Variants in MSI2 observed in about 807,000 individuals in gnomAD.
The protein encoded by MSI2 is musashi RNA binding protein 2, also known as RNA-binding protein Musashi homolog 2.
A neutral mutation model predicts 45.6 loss-of-function variants in MSI2; 17 were observed. The ratio of observed to expected loss-of-function variants is 0.37; its 90% CI spans 0.26 to 0.56. The LOEUF is 0.56. Among genes scored for constraint, MSI2 ranks in the 20% least tolerant of loss-of-function variants. The probability of loss-of-function intolerance (pLI) is 0.77; values close to 1 mark genes in which losing one functional copy is unlikely to be tolerated. For missense variants in MSI2, 293 were observed against 444.2 expected (o/e 0.66, Z 3.06); for synonymous variants, 156 against 158.2 (o/e 0.99, Z 0.11).
chr17:57,334,013 G>A (rs543834957), intron 5 of MSI2, among the ~76,000 whole-genome samples: 4 of 152,214 alleles, frequency 2.6e-5, no homozygotes, highest in South Asian at 2.1e-4. Flanking sequence ...TTGGTGATCC[G>A]TTTCACTCCA....
intron 6 of MSI2, among the ~76,000 whole-genome samples, chr17:57,502,054 T>TA (rs1319472093): frequency 6.6e-6 from 1 of 152,118 alleles, no homozygotes; most frequent in Admixed American, 6.6e-5. Flanking sequence ...TCCTGGGCTA[T>TA]AGGCAGGTAC....
intron 6 of MSI2, among the ~76,000 whole-genome samples, chr17:57,502,860 T>C (rs1009479067): frequency 2.6e-5 from 4 of 151,894 alleles, no homozygotes; most frequent in Non-Finnish European, 1.5e-5. Context: ...CCAAGTGGTC[T>C]TGGGAGCAGA....
At chr17:57,481,705 C>T (rs1241441784) in intron 6 of MSI2, among the ~76,000 whole-genome samples, 3 of 152,060 alleles carry the variant, frequency 2.0e-5, no homozygotes. Flanking sequence ...TAACTTTTAC[C>T]CCTTTGCAGA....
At chr17:57,328,408 C>A (rs1913996628) in intron 5 of MSI2, among the ~76,000 whole-genome samples, 1 of 152,218 alleles carries the variant, frequency 6.6e-6, no homozygotes, top group Admixed American at 6.5e-5. Flanking sequence ...TCTTGTCCCC[C>A]ATCTGGTGAA....
chr17:57,617,589 A>T (rs1907841353), intron 9 of MSI2, among the ~76,000 whole-genome samples: 2 of 152,078 alleles, frequency 1.3e-5, no homozygotes, highest in African/African-American at 2.4e-5. Context: ...TTAGGTCTTT[A>T]TGTTTTATAT....
rs2084177896 is a variant in MSI2 at position 57,410,600 on chromosome 17, AAAAG to A, written c.405+9133_405+9136del. On this transcript the variant is annotated intron_variant, in intron 6 of 13. Transcript: ENST00000284073. ...ATAAGGATTTAATTAAATTAAAAAA[AAAAG>A]AAAAGAAAACCCAGCAGAGTGGTTT... 5.3e-5 allele frequency among the ~76,000 whole-genome samples: 8 copies of A among 151,986 alleles called. No homozygotes were observed. In the South Asian group the frequency reaches 1.7e-3, roughly 32 times the overall value.
chr17:57,594,958 A>G (rs547936880), intron 7 of MSI2, among the ~76,000 whole-genome samples: 1 of 152,348 alleles, frequency 6.6e-6, no homozygotes, highest in East Asian at 1.9e-4. Flanking sequence ...GACATGATAA[A>G]GATCACGATT....
intron 5 of MSI2, among the ~76,000 whole-genome samples, chr17:57,322,160 C>A (rs1185867818): frequency 6.6e-6 from 1 of 152,156 alleles, no homozygotes; most frequent in Non-Finnish European, 1.5e-5. Context: ...ATAGCTGTCC[C>A]CACAGTACTG....
chr17:57,600,791 A>G (rs1270115016), intron 8 of MSI2: 1 of 152,230 alleles, frequency 6.6e-6, no homozygotes, highest in Non-Finnish European at 1.5e-5. Flanking sequence ...TAAAGATCCC[A>G]CTAATAGCTG....
chr17:57,480,454 C>G (rs1207586820), intron 6 of MSI2, among the ~76,000 whole-genome samples: 1 of 152,190 alleles, frequency 6.6e-6, no homozygotes, highest in East Asian at 1.9e-4. Flanking sequence ...TTGACATTAA[C>G]TGAAGTTCAG....
intron 5 of MSI2, among the ~76,000 whole-genome samples, chr17:57,293,592 T>A (rs1373157766): frequency 1.8e-5 from 1 of 57,016 alleles, no homozygotes; most frequent in Admixed American, 2.2e-4. Context: ...TTATTGTTTT[T>A]TTGTTTTTTT....
intron 10 of MSI2, among the ~76,000 whole-genome samples, chr17:57,637,841 G>A (rs1248758131): frequency 1.3e-5 from 2 of 152,234 alleles, no homozygotes; most frequent in African/African-American, 4.8e-5. Flanking sequence ...GAGGGAGGCT[G>A]CAGGTGACCC....
chr17:57,328,262 C>CCA (rs1913976070), intron 5 of MSI2, among the ~76,000 whole-genome samples: 3 of 139,644 alleles, frequency 2.1e-5, no homozygotes, highest in Admixed American at 7.0e-5. Flanking sequence ...ATGTATTCAT[C>CCA]TATCCATCCA....
chr17:57,611,530 G>A (rs1330122715), intron 8 of MSI2, among the ~76,000 whole-genome samples: 1 of 96,402 alleles, frequency 1.0e-5, no homozygotes, highest in Non-Finnish European at 2.5e-5. Context: ...CCTCCCACAC[G>A]GACTCTAGGC....
intron 6 of MSI2, among the ~76,000 whole-genome samples, chr17:57,512,569 G>A (rs2086377155): frequency 1.3e-5 from 2 of 152,192 alleles, no homozygotes; most frequent in Admixed American, 1.3e-4. Flanking sequence ...GAACTCAGAG[G>A]CCGCAGAGTC....
intron 8 of MSI2, among the ~76,000 whole-genome samples, chr17:57,613,821 A>C (rs35763935): frequency 6.6e-6 from 1 of 152,008 alleles, no homozygotes; most frequent in East Asian, 1.9e-4. Context: ...CATATTAGTC[A>C]TGAATGTTGA....
Position 57,257,450 on chromosome 17 carries a change from C to G in MSI2, c.104-16C>G, listed in dbSNP as rs773888572. ...CCTTCTCTCCCCCCCCCATCTCTCT[C>G]TTTCTCTCTCTACAGATAGCCTTAG... On this transcript the variant is annotated splice_polypyrimidine_tract_variant and intron_variant, in intron 2 of 13. Coordinates refer to ENST00000284073, the MANE Select transcript of MSI2 (RefSeq NM_138962.4). The G allele has an allele frequency of 1.0e-5, 13 of 1,297,176 alleles. No individual in the cohort carries two copies. Among genetic ancestry groups the G allele is most frequent in the East Asian group, 2.3e-5 (1 of 42,574 alleles). 80.4% of individuals were successfully genotyped at this position (1,297,176 alleles called of 1,614,324 possible).
chr17:57,581,167 C>G (rs761398434), intron 7 of MSI2, among the ~76,000 whole-genome samples: 1 of 151,960 alleles, frequency 6.6e-6, no homozygotes, highest in Non-Finnish European at 1.5e-5. Flanking sequence ...CGTGTGCCAC[C>G]ACGCCTGGCT....
At chr17:57,331,706 C>T (rs553686120) in intron 5 of MSI2, among the ~76,000 whole-genome samples, 141 of 152,270 alleles carry the variant, frequency 9.3e-4, no homozygotes, top group Admixed American at 2.7e-3. Context: ...TGTTCACCAG[C>T]GTCAGTGTTC....
Sources: allele counts gnomAD v4.1 joint callset (sites outside exome capture counted in the v4.1 genomes callset), GRCh38; gene constraint gnomAD v4.1.1; transcripts MANE v1.5; gene names NCBI Gene and HGNC (gene_info 2026-07-23, HGNC 2026-07-21).